LRRN1: variants seen among roughly 807,000 people sequenced by gnomAD.
The protein encoded by LRRN1 is leucine-rich repeat neuronal protein 1.
A neutral mutation model predicts 45.8 loss-of-function variants in LRRN1; 14 were observed. The observed-to-expected ratio is 0.31, with a 90% CI of 0.20 to 0.48. The LOEUF is 0.48. LRRN1 is among the 20% of genes least tolerant of loss of function. LRRN1 has a pLI of 0.99. For missense variants in LRRN1, 789 were observed against 874.2 expected (o/e 0.90, Z 1.23); for synonymous variants, 359 against 330.1 (o/e 1.09, Z -0.95).
At chr3:3,801,869 C>T (rs192700432) in intron 1 of LRRN1, among the ~76,000 whole-genome samples, 3 of 152,272 alleles carry the variant, frequency 2.0e-5, no homozygotes, top group African/African-American at 4.8e-5. Context: ...CCACTTCTGG[C>T]GGCTTGAAGT....
chr3:3,829,693 C>T (rs1372847439), intron 1 of LRRN1, among the ~76,000 whole-genome samples: 3 of 152,206 alleles, frequency 2.0e-5, no homozygotes, highest in Admixed American at 1.3e-4. Context: ...CATGAGCCCA[C>T]TGCCACACTT....
intron 1 of LRRN1, among the ~76,000 whole-genome samples, chr3:3,839,787 A>G (rs1354794167): frequency 6.6e-6 from 1 of 152,020 alleles, no homozygotes; most frequent in Non-Finnish European, 1.5e-5. Flanking sequence ...CAGATTAGTC[A>G]TTGTTAGTTT....
chr3:3,845,664 C>G lies in LRRN1; in HGVS notation c.1023C>G (p.Ser341Arg). ...LAFRSVPALESLMLNNNALNA... is the reference protein window; with the variant it reads ...LAFRSVPALERLMLNNNALNA... Reference sequence around the variant, plus strand: ...TCCGAAGTGTCCCTGCTCTGGAAAGCTTGATGCTGAACAACAATGCCTTGA... The same window carrying G: ...TCCGAAGTGTCCCTGCTCTGGAAAGGTTGATGCTGAACAACAATGCCTTGA... The change falls in exon 2 of 2, where the codon AGC (serine) becomes AGG (arginine). Residue 341 changes from serine (S) to arginine (R), a missense_variant. By Grantham distance (110) the Ser-to-Arg change is moderately radical (BLOSUM62 -1). Transcript: ENST00000319331. This position sits in a 1 kb window ranked among gnomAD's most constrained non-coding sequence, Gnocchi z 6.5. 2 of 1,614,068 alleles carry G rather than the reference C, an allele frequency of 1.2e-6. No homozygotes were observed. Among genetic ancestry groups the G allele is most frequent in the Non-Finnish European group, 1.7e-6 (2 of 1,180,014 alleles).
At chr3:3,809,016 G>T (rs1016880639) in intron 1 of LRRN1, among the ~76,000 whole-genome samples, 7 of 151,998 alleles carry the variant, frequency 4.6e-5, no homozygotes, top group African/African-American at 1.7e-4. Flanking sequence ...TCTAAATTTA[G>T]GTGTCTAAAA....
At position 3,845,727 on chromosome 3, in the gene LRRN1, T is replaced by C; in HGVS notation, c.1086T>C (p.Asn362=). 6.2e-7 allele frequency: 1 copy of C among 1,614,048 alleles called. No individual in the cohort carries two copies. The highest frequency in any genetic ancestry group is 8.5e-7 in the Non-Finnish European group (1 of 1,180,002). The change falls in exon 2 of 2, where the codon AAT becomes AAC. Residue 362 remains asparagine (N), a synonymous_variant. Transcript: ENST00000319331. This position sits in a 1 kb window ranked among gnomAD's most constrained non-coding sequence, Gnocchi z 6.5. ...IYQKTVESLP[N]LREISIHSNP... is the part of the protein sequence containing the mutation. The stretch of plus-strand genomic sequence containing the variant: ...AAAAGACAGTCGAATCCCTCCCCAA[T>C]CTGCGTGAGATCAGTATCCATAGCA...
chr3:3,811,748 A>G (rs1354256384), intron 1 of LRRN1, among the ~76,000 whole-genome samples: 2 of 152,208 alleles, frequency 1.3e-5, no homozygotes, highest in Non-Finnish European at 2.9e-5. Flanking sequence ...GTGCTATTAG[A>G]AAGGTGATAT....
At position 3,845,691 on chromosome 3, in the gene LRRN1, T is replaced by C. The variant is rs747316187; in HGVS notation, c.1050T>C (p.Asn350=). Residue 350 remains asparagine, a synonymous_variant, in exon 2 of 2, where the codon AAT becomes AAC. Coordinates refer to ENST00000319331, the MANE Select transcript of LRRN1 (RefSeq NM_020873.7). The surrounding 1 kb of genome is among the most constrained non-coding windows in gnomAD (Gnocchi z 6.5). ...ESLMLNNNAL[N]AIYQKTVESL... is the part of the protein sequence containing the mutation. ...TGATGCTGAACAACAATGCCTTGAA[T>C]GCCATTTACCAAAAGACAGTCGAAT... 9.3e-6 allele frequency: 15 copies of C among 1,614,074 alleles called. No homozygotes were observed. Among genetic ancestry groups the C allele is most frequent in the Non-Finnish European group, 1.3e-5 (15 of 1,180,028 alleles).
At chr3:3,824,285 G>A (rs139105995) in intron 1 of LRRN1, among the ~76,000 whole-genome samples, 1 of 152,060 alleles carries the variant, frequency 6.6e-6, no homozygotes, top group Non-Finnish European at 1.5e-5. Context: ...ATTCATGAGG[G>A]CTTTCCTATC....
chr3:3,846,733 G>C lies in LRRN1; in HGVS notation c.2092G>C (p.Gly698Arg). 6.2e-7 allele frequency: 1 copy of C among 1,613,840 alleles called. No homozygotes were observed. Among genetic ancestry groups the C allele is most frequent in the Non-Finnish European group, 8.5e-7 (1 of 1,179,978 alleles). ...AGGTGACAGCGAGAAAGACAAAGAT[G>C]GTTCTGCAGACACCAAGCCAACCCA... Reference protein sequence around the residue: ...WEGDSEKDKDGSADTKPTQVD... With the variant: ...WEGDSEKDKDRSADTKPTQVD... The change falls in exon 2 of 2, where the codon GGT becomes CGT. Residue 698 changes from glycine (G) to arginine (R), a missense_variant. By Grantham distance (125) the Gly-to-Arg change is moderately radical (BLOSUM62 -2). Coordinates refer to ENST00000319331, the MANE Select transcript of LRRN1 (RefSeq NM_020873.7). The surrounding 1 kb of genome is among the most constrained non-coding windows in gnomAD (Gnocchi z 5.7).
chr3:3,804,387 AC>A (rs1314534900), intron 1 of LRRN1, among the ~76,000 whole-genome samples: 1 of 152,250 alleles, frequency 6.6e-6, no homozygotes, highest in African/African-American at 2.4e-5. Context: ...CTTATATGGA[AC>A]CATTGTACCT....
intron 1 of LRRN1, among the ~76,000 whole-genome samples, chr3:3,838,956 T>G (rs1559306863): frequency 6.6e-6 from 1 of 152,104 alleles, no homozygotes; most frequent in Non-Finnish European, 1.5e-5. Flanking sequence ...ATTCTGTAGG[T>G]CATCTTTTTT....
At position 3,834,524 on chromosome 3, in the gene LRRN1, G is replaced by GGA. The variant is rs1190359321; in HGVS notation, c.-278-9839_-278-9838dup. The stretch of plus-strand genomic sequence containing the variant: ...AGCGTTCTCTTAGAGGGACAGAACA[G>GGA]GATATATATATATATATATATATAT... On this transcript the variant is annotated intron_variant, in intron 1 of 1. Transcript: ENST00000319331. Among the ~76,000 whole-genome samples, 15 of 1,922 alleles carry GGA rather than the reference G, an allele frequency of 7.8e-3. 1 individual carries two copies. The highest frequency in any genetic ancestry group is 0.014 in the African/African-American group (15 of 1,066). The allele number at this position is 1,922 out of a possible 152,430, so 1.3% of individuals were successfully genotyped here.
Position 3,846,205 on chromosome 3 carries a change from G to C in LRRN1, c.1564G>C (p.Asp522His). 1 of 1,614,118 alleles carries C rather than the reference G, an allele frequency of 6.2e-7. No homozygotes were observed. The highest frequency in any genetic ancestry group is 2.2e-5 in the East Asian group (1 of 44,880). ...ATIKVNGTLL[D>H]GTQVLKIYVK... ...AATTAAGGTTAATGGGACCCTTCTG[G>C]ATGGTACCCAGGTGCTAAAAATATA... Residue 522 changes from aspartate (D) to histidine (H), a missense_variant, in exon 2 of 2, where the codon GAT becomes CAT. Coordinates refer to ENST00000319331, the MANE Select transcript of LRRN1 (RefSeq NM_020873.7). The surrounding 1 kb of genome is among the most constrained non-coding windows in gnomAD (Gnocchi z 5.7).
chr3:3,848,860 T>C lies in LRRN1; in HGVS notation c.*2068T>C, dbSNP rs555144209. 6.6e-6 allele frequency among the ~76,000 whole-genome samples: 1 copy of C among 152,316 alleles called. No individual in the cohort carries two copies. The highest frequency in any genetic ancestry group is 2.1e-4 in the South Asian group (1 of 4,820). On this transcript the variant is annotated 3_prime_UTR_variant, in exon 2 of 2. Transcript: ENST00000319331. ...AGTTCTGAATAACCTCTAGTGCCCC[T>C]GCTTCAAAAATGCAGTACATCCTCA...
rs1559313076 is a variant in LRRN1 at position 3,845,294 on chromosome 3, G to C, written c.653G>C (p.Arg218Thr). Residue 218 changes from arginine (R) to threonine (T), a missense_variant, in exon 2 of 2, where the codon AGA (arginine) becomes ACA (threonine). Arg to Thr is a moderately conservative substitution (Grantham distance 71). Transcript: ENST00000319331. The surrounding 1 kb of genome is among the most constrained non-coding windows in gnomAD (Gnocchi z 6.5). ...DMNFKPLANL[R>T]SLVLAGMYLT... ...AACTTCAAACCCCTCGCAAATTTGAGAAGCTTAGTTTTGGCAGGAATGTAT... is the reference window on the plus strand; with the variant it reads ...AACTTCAAACCCCTCGCAAATTTGACAAGCTTAGTTTTGGCAGGAATGTAT... 1.2e-6 allele frequency: 2 copies of C among 1,614,094 alleles called. No individual in the cohort carries two copies. Among genetic ancestry groups the C allele is most frequent in the South Asian group, 2.2e-5 (2 of 91,082 alleles).
chr3:3,829,307 T>C (rs947478206), intron 1 of LRRN1, among the ~76,000 whole-genome samples: 12 of 152,136 alleles, frequency 7.9e-5, no homozygotes, highest in Non-Finnish European at 1.6e-4. Context: ...TCTTCCAGTT[T>C]CATGGAATCG....
At chr3:3,807,871 C>T (rs1056609883) in intron 1 of LRRN1, among the ~76,000 whole-genome samples, 21 of 152,154 alleles carry the variant, frequency 1.4e-4, no homozygotes, top group Admixed American at 1.3e-4. Flanking sequence ...GGCCTAACCC[C>T]CCAAAGGACC....
chr3:3,821,030 T>A (rs917689565), intron 1 of LRRN1, among the ~76,000 whole-genome samples: 7 of 152,204 alleles, frequency 4.6e-5, no homozygotes, highest in Non-Finnish European at 1.0e-4. Context: ...GTGGTCTGCA[T>A]GACAGGACTC....
In LRRN1 at chr3:3,848,269, T is replaced by C. The variant is rs943883168; in HGVS notation, c.*1477T>C. Among the ~76,000 whole-genome samples the C allele has an allele frequency of 6.6e-6, 1 of 152,178 alleles. No individual in the cohort carries two copies. Among genetic ancestry groups the C allele is most frequent in the Non-Finnish European group, 1.5e-5 (1 of 68,024 alleles). On this transcript the variant is annotated 3_prime_UTR_variant, in exon 2 of 2. Transcript: ENST00000319331. Reference sequence around the variant, plus strand: ...TTCATCCAAATATATATAGACAGTTTTGGAGAATTGTTTCAAGATTATAGA... The same window carrying C: ...TTCATCCAAATATATATAGACAGTTCTGGAGAATTGTTTCAAGATTATAGA...
Sources: gnomAD v4.1 joint callset for allele counts (sites outside exome capture counted in the v4.1 genomes callset) on GRCh38, gnomAD v4.1.1 for gene constraint, Gnocchi (gnomAD v3.1) non-coding constraint, MANE v1.5 for transcripts, NCBI Gene and HGNC (gene_info 2026-07-23, HGNC 2026-07-21) for gene names.